The following TMC6 variants were observed in gnomAD, a reference collection of about 807,000 sequenced individuals.
TMC6 encodes transmembrane channel like 6.
In TMC6, 71 loss-of-function variants were observed where a neutral mutation model predicts 95.4. That is an observed-to-expected ratio of 0.74 (90% CI 0.61 to 0.91). TMC6 has a LOEUF of 0.91. TMC6 is among the 40% of genes least tolerant of loss of function. The pLI, the probability that TMC6 is intolerant of heterozygous loss-of-function variation, is 0.00. For missense variants in TMC6, 1,074 were observed against 1,079.1 expected (o/e 1.00, Z 0.07); for synonymous variants, 514 against 483.1 (o/e 1.06, Z -0.84).
chr17:78,126,476 GCACCCAAGTCTTGGTCCACAC>G (rs773708771), intron 3 of TMC6, 27 bp downstream of exon 3: 1 of 1,610,818 alleles, frequency 6.2e-7, no homozygotes, highest in East Asian at 2.2e-5. Context: ...AGGGGCTGGG[GCACCCAAGTCTTGGTCCACAC>G]CACCCAGCAT....
chr17:78,117,407 CA>C, intron 17 of TMC6, 60 bp from the exon 18 acceptor site: 1 of 1,611,998 alleles, frequency 6.2e-7, no homozygotes, highest in Non-Finnish European at 8.5e-7. Flanking sequence ...GGCCAGTCCC[CA>C]CACGGTGCAG....
upstream of TMC6, chr17:78,132,040 G>A: frequency 1.3e-6 from 2 of 1,534,566 alleles, no homozygotes; most frequent in Non-Finnish European, 1.7e-6. Context: ...GGTAGGACCC[G>A]CGCGACCCGC....
rs2074615655 is a variant in TMC6, at chr17:78,124,821, AG to A, written c.634-41del. ...AGAGAGGCCCTGAGGGTGAGGCCGG[AG>A]GAGGCACTGAGGCCACCCCAGCCCT... is the stretch of plus-strand genomic sequence containing the variant. On this transcript the variant is annotated intron_variant, in intron 7 of 19. Transcript: ENST00000590602. 1.9e-6 allele frequency: 3 copies of A among 1,578,874 alleles called. No homozygotes were observed. In the African/African-American group the frequency reaches 4.0e-5, roughly 21 times the overall value.
At chr17:78,126,194 C>T (rs572084769) in intron 4 of TMC6, 83 bp downstream of exon 4, 2 of 1,509,686 alleles carry the variant, frequency 1.3e-6, no homozygotes, top group Non-Finnish European at 1.8e-6. Context: ...CAGGGAGATG[C>T]CTGGCAGGAA....
chr17:78,131,730 C>A (rs867748406), upstream of TMC6: 1 of 1,583,996 alleles, frequency 6.3e-7, no homozygotes. Flanking sequence ...GGACAAGCGC[C>A]TCATCTGGTG....
At chr17:78,120,407 A>T in intron 13 of TMC6, 1 of 592,928 alleles carries the variant, frequency 1.7e-6, no homozygotes, top group Non-Finnish European at 3.1e-6. Flanking sequence ...TGATCCACTC[A>T]CCTCAGCCTC....
In TMC6 at chr17:78,120,636, G is replaced by T. The variant is rs375990147; in HGVS notation, c.1715+17C>A. 6.2e-7 allele frequency: 1 copy of T among 1,613,796 alleles called. No homozygotes were observed. Among genetic ancestry groups the T allele is most frequent in the Non-Finnish European group, 8.5e-7 (1 of 1,179,982 alleles). On this transcript the variant is annotated intron_variant, in intron 13 of 19. Transcript: ENST00000590602. ...GGGGAGAACACTCACCACCCAGTCCGCCCAGGACCCCCTCACCTCCACACC... is the reference window on the plus strand; with the variant it reads ...GGGGAGAACACTCACCACCCAGTCCTCCCAGGACCCCCTCACCTCCACACC...
chr17:78,119,956 AT>A, intron 13 of TMC6: 5 of 349,466 alleles, frequency 1.4e-5, no homozygotes, highest in Non-Finnish European at 2.8e-5. Flanking sequence ...CCTCCTACTG[AT>A]TTTTTTAATC....
In TMC6 at chr17:78,118,063, G is replaced by A. The variant is rs969028587; in HGVS notation, c.1888-128C>T. 21 of 1,469,332 alleles carry A rather than the reference G, an allele frequency of 1.4e-5. 1 individual carries two copies. In the South Asian group the frequency reaches 2.4e-4, roughly 17 times the overall value. The allele number at this position is 1,469,332 out of a possible 1,614,324, so 91.0% of individuals were successfully genotyped here. On this transcript the variant is annotated intron_variant, in intron 15 of 19. Coordinates refer to ENST00000590602, the MANE Select transcript of TMC6 (RefSeq NM_001127198.5). ...AGGCAGAGCCTGGACCCTGCTCCCT[G>A]CAGCCTCCTCATTTACAGAGGAAGA...
intron 19 of TMC6, 123 bp downstream of exon 19, chr17:78,113,425 A>AC: frequency 7.6e-7 from 1 of 1,307,378 alleles, no homozygotes; most frequent in African/African-American, 1.5e-5. Flanking sequence ...AGATTTTTGT[A>AC]GGTCAAAAGC....
chr17:78,124,126 C>T lies in TMC6; in HGVS notation c.945G>A (p.Leu315=). The T allele has an allele frequency of 1.9e-6, 3 of 1,612,946 alleles. No homozygotes were observed. The highest frequency in any genetic ancestry group is 2.5e-6 in the Non-Finnish European group (3 of 1,179,910). The change falls in exon 9 of 20, where the codon CTG becomes CTA. Residue 315 remains leucine (L), a synonymous_variant. Coordinates refer to ENST00000590602, the MANE Select transcript of TMC6 (RefSeq NM_001127198.5). ...MYYGHYSNAT[L]NQPCGSPLDG... is the part of the protein sequence containing the mutation. ...CCAGGGGGCTGCCACACGGCTGGTTCAGCGTGGCGTTACTGTAGTGGCCGT... is the reference window on the plus strand; with the variant it reads ...CCAGGGGGCTGCCACACGGCTGGTTTAGCGTGGCGTTACTGTAGTGGCCGT...
rs1360677431 is a variant in TMC6 at position 78,109,495 on chromosome 17, G to C, written c.*3653C>G. On this transcript the variant is annotated 3_prime_UTR_variant, in exon 20 of 20. Coordinates refer to ENST00000590602, the MANE Select transcript of TMC6 (RefSeq NM_001127198.5). ...CAAGTGTAGTATGCCTGGGCCCCAG[G>C]TCATCATGAAAACCAGAAGCAGACA... 3 of 456,604 alleles carry C rather than the reference G, an allele frequency of 6.6e-6. No individual in the cohort carries two copies. Among genetic ancestry groups the C allele is most frequent in the Non-Finnish European group, 1.3e-5 (3 of 226,992 alleles). 28.3% of individuals were successfully genotyped at this position (456,604 alleles called of 1,614,324 possible).
rs770521551 is a variant in TMC6, at chr17:78,121,586, G to A, written c.1353C>T (p.Ala451=). The change falls in exon 11 of 20, where the codon GCC becomes GCT. Residue 451 remains alanine, a synonymous_variant. Coordinates refer to ENST00000590602, the MANE Select transcript of TMC6 (RefSeq NM_001127198.5). This position sits in a 1 kb window ranked among gnomAD's most constrained non-coding sequence, Gnocchi z 5.6. The part of the protein sequence containing the change: ...CLGTALGCAV[A]VHVFSEFMIQ... Reference sequence around the variant, plus strand: ...TCATGAACTCCGAGAAGACGTGGACGGCCACGGCGCAGCCCAGCGCGGTCC... The same window carrying A: ...TCATGAACTCCGAGAAGACGTGGACAGCCACGGCGCAGCCCAGCGCGGTCC... The A allele has an allele frequency of 4.3e-6, 7 of 1,611,542 alleles. No homozygotes were observed. Among genetic ancestry groups the A allele is most frequent in the Admixed American group, 1.7e-5 (1 of 59,996 alleles).
chr17:78,131,730 C>T, upstream of TMC6: 1 of 1,583,996 alleles, frequency 6.3e-7, no homozygotes, highest in Non-Finnish European at 8.6e-7. Flanking sequence ...GGACAAGCGC[C>T]TCATCTGGTG....
upstream of TMC6, chr17:78,131,959 G>C (rs1387954016): frequency 1.3e-6 from 2 of 1,518,648 alleles, no homozygotes; most frequent in Non-Finnish European, 1.8e-6. Flanking sequence ...GTGGAAAGGC[G>C]CCTGCGGGAG....
Position 78,120,999 on chromosome 17 carries a change from G to C in TMC6, c.1535+14C>G. ...CTCCAGCACCAAATGATGTTTTCAT[G>C]TGCGGCCACACACCTGCAGATGGCC... On this transcript the variant is annotated intron_variant, in intron 12 of 19. Coordinates refer to ENST00000590602, the MANE Select transcript of TMC6 (RefSeq NM_001127198.5). 3 of 1,613,302 alleles carry C rather than the reference G, an allele frequency of 1.9e-6. No homozygotes were observed. The highest frequency in any genetic ancestry group is 2.5e-6 in the Non-Finnish European group (3 of 1,180,004).
chr17:78,132,385 T>C (rs1481338794), upstream of TMC6: 4 of 1,613,018 alleles, frequency 2.5e-6, no homozygotes, highest in African/African-American at 5.3e-5. Context: ...AATTCGGTCC[T>C]ACTTCACCTT....
chr17:78,121,135 C>T lies in TMC6; in HGVS notation c.1413G>A (p.Val471=). The part of the protein sequence containing the change: ...QSPEAAGQEA[V]LLVLPLVVGL... ...CAACCACCAGGGGCAGGACCAGCAG[C>T]ACAGCCTCCTGGCCAGCAGCCTCTG... Residue 471 remains valine (V), a synonymous_variant, in exon 12 of 20, where the codon GTG becomes GTA. Transcript: ENST00000590602. The surrounding 1 kb of genome is among the most constrained non-coding windows in gnomAD (Gnocchi z 5.6). 1.2e-6 allele frequency: 2 copies of T among 1,605,896 alleles called. No homozygotes were observed. Among genetic ancestry groups the T allele is most frequent in the South Asian group, 2.2e-5 (2 of 90,380 alleles).
chr17:78,128,914 C>G (rs374220676), upstream of TMC6: 4 of 152,222 alleles, frequency 2.6e-5, no homozygotes, highest in East Asian at 7.7e-4. This position sits in a 1 kb window ranked among gnomAD's most constrained non-coding sequence, Gnocchi z 4.0. Context: ...AACTTCCGAC[C>G]CCTCCTCCTG....
Sources: gnomAD v4.1 joint callset for allele counts on GRCh38, gnomAD v4.1.1 for gene constraint, Gnocchi (gnomAD v3.1) non-coding constraint, MANE v1.5 for transcripts, NCBI Gene and HGNC (gene_info 2026-07-23, HGNC 2026-07-21) for gene names.